The following CRTAM variants were observed in gnomAD, a reference collection of about 807,000 sequenced individuals.
CRTAM encodes the protein cytotoxic and regulatory T cell molecule.
Under a neutral mutation model 50.0 loss-of-function variants are expected in CRTAM, and 44 were observed. The ratio of observed to expected loss-of-function variants is 0.88; its 90% CI spans 0.69 to 1.13. The LOEUF is 1.13. CRTAM is among the 50% of genes most tolerant of loss of function. The pLI, the probability that CRTAM is intolerant of heterozygous loss-of-function variation, is 0.00. For synonymous variants in CRTAM, 159 were observed against 169.3 expected, an observed-to-expected ratio of 0.94 and a Z score of 0.47; for missense variants, 448 against 457.5, an observed-to-expected ratio of 0.98 and a Z score of 0.19.
At chr11:122,870,124 A>C (rs1862234942) in intron 9 of CRTAM, among the ~76,000 whole-genome samples, 1 of 152,132 alleles carries the variant, frequency 6.6e-6, no homozygotes, top group Admixed American at 6.6e-5. Context: ...TCTGTTGCCC[A>C]GGCTGGAGTG....
intron 1 of CRTAM, among the ~76,000 whole-genome samples, chr11:122,844,850 A>G (rs1861842793): frequency 6.6e-6 from 1 of 152,236 alleles, no homozygotes. Flanking sequence ...TCATCTGTGA[A>G]ATGGGAATAA....
intron 3 of CRTAM, among the ~76,000 whole-genome samples, chr11:122,852,969 G>A (rs979365188): frequency 3.9e-5 from 6 of 152,138 alleles, no homozygotes; most frequent in Non-Finnish European, 7.3e-5. Flanking sequence ...TGAAGTGGAA[G>A]TAGAATGGGA....
At chr11:122,849,795 C>A (rs890132933) in intron 1 of CRTAM, among the ~76,000 whole-genome samples, 1 of 152,018 alleles carries the variant, frequency 6.6e-6, no homozygotes, top group African/African-American at 2.4e-5. Flanking sequence ...AGCAATCGCC[C>A]AAAACCTGTT....
At chr11:122,858,390 T>G (rs550890957) in intron 5 of CRTAM, among the ~76,000 whole-genome samples, 3 of 152,092 alleles carry the variant, frequency 2.0e-5, no homozygotes, top group African/African-American at 2.4e-5. Context: ...CACGCCCTGC[T>G]AATTTTCATA....
rs1005454616 is a variant in CRTAM at position 122,867,527 on chromosome 11, G to T, written c.936G>T (p.Leu312=). The change falls in exon 8 of 10, where the codon CTG becomes CTT. Residue 312 remains leucine (L), a synonymous_variant. Transcript: ENST00000227348. ...TAGTCCAGCTCTTCATCATGAAGCT[G>T]AGGAAAGCACATGTGATATGGAAGA... ...FIIVQLFIMK[L]RKAHVIWKKE... 7.4e-6 allele frequency: 12 copies of T among 1,613,970 alleles called. No homozygotes were observed. In the African/African-American group the frequency reaches 1.6e-4, roughly 22 times the overall value.
intron 1 of CRTAM, among the ~76,000 whole-genome samples, chr11:122,847,921 G>T: frequency 6.6e-6 from 1 of 152,238 alleles, no homozygotes; most frequent in East Asian, 1.9e-4. Flanking sequence ...AATGTCTTCT[G>T]GAAGTCTTTG....
intron 9 of CRTAM, among the ~76,000 whole-genome samples, 190 bp from the exon 10 acceptor site, chr11:122,871,079 A>G (rs1423259715): frequency 1.3e-5 from 2 of 149,950 alleles, no homozygotes; most frequent in African/African-American, 5.0e-5. Flanking sequence ...AACCTGTCTC[A>G]AAAAAAAACC....
chr11:122,845,843 G>T (rs976339645), intron 1 of CRTAM, among the ~76,000 whole-genome samples: 2 of 152,082 alleles, frequency 1.3e-5, no homozygotes, highest in African/African-American at 4.8e-5. Flanking sequence ...GTGCTGATGA[G>T]AATGACAGTT....
chr11:122,846,982 C>T (rs1861871663), intron 1 of CRTAM, among the ~76,000 whole-genome samples: 2 of 152,184 alleles, frequency 1.3e-5, no homozygotes, highest in Non-Finnish European at 2.9e-5. Context: ...ACTCTTTCCA[C>T]TTTTCTTTGT....
chr11:122,850,007 C>CA lies in CRTAM; in HGVS notation c.47-57dup, dbSNP rs1052434926. 9.3e-5 allele frequency: 133 copies of CA among 1,431,188 alleles called. No homozygotes were observed. The African/African-American group carries it at 1.5e-3, about 16-fold the overall frequency. The allele number at this position is 1,431,188 out of a possible 1,614,324, so 88.7% of individuals were successfully genotyped here. On this transcript the variant is annotated intron_variant, in intron 1 of 9. Coordinates refer to ENST00000227348, the MANE Select transcript of CRTAM (RefSeq NM_019604.4). ...TACATGATTGAATGAATGAACGAGA[C>CA]AAAATCCCTGAGACACTGTGGACCC... is the stretch of plus-strand genomic sequence containing the variant.
chr11:122,858,571 C>T (rs975994959), intron 5 of CRTAM, among the ~76,000 whole-genome samples: 1 of 152,062 alleles, frequency 6.6e-6, no homozygotes, highest in African/African-American at 2.4e-5. Flanking sequence ...CTTCTGTAGC[C>T]CAGGCTGGAG....
intron 3 of CRTAM, among the ~76,000 whole-genome samples, chr11:122,852,082 A>C (rs1861937503): frequency 6.6e-6 from 1 of 152,158 alleles, no homozygotes; most frequent in South Asian, 2.1e-4. Context: ...CTCTCCAGGG[A>C]ACTAAAAGAA....
intron 3 of CRTAM, among the ~76,000 whole-genome samples, chr11:122,853,290 T>C (rs1861958424): frequency 6.6e-6 from 1 of 151,914 alleles, no homozygotes; most frequent in Non-Finnish European, 1.5e-5. Context: ...CAGGATGGTC[T>C]CGATCTCCTG....
chr11:122,862,775 C>G (rs934901798), intron 6 of CRTAM, among the ~76,000 whole-genome samples: 7 of 152,282 alleles, frequency 4.6e-5, no homozygotes. Flanking sequence ...AAGTTCAGTT[C>G]TAGTTTGCCT....
intron 1 of CRTAM, among the ~76,000 whole-genome samples, chr11:122,840,335 A>G (rs749447534): frequency 4.9e-4 from 75 of 152,310 alleles, no homozygotes; most frequent in Admixed American, 7.2e-4. Context: ...AACCTGCCCA[A>G]GTTTTAAAGC....
At chr11:122,843,518 C>T (rs993865934) in intron 1 of CRTAM, among the ~76,000 whole-genome samples, 1 of 152,104 alleles carries the variant, frequency 6.6e-6, no homozygotes, top group Non-Finnish European at 1.5e-5. Context: ...GGCTAATTTG[C>T]AGATAAGAAC....
intron 1 of CRTAM, among the ~76,000 whole-genome samples, chr11:122,844,361 T>C (rs1056098392): frequency 5.3e-5 from 8 of 152,236 alleles, no homozygotes; most frequent in African/African-American, 1.9e-4. Flanking sequence ...TCTTACCCAA[T>C]GCAGGCTTTC....
In CRTAM at chr11:122,862,639, T is replaced by C. The variant is rs995346853; in HGVS notation, c.733+95T>C. ...TCTAAGTTTTAAGAATATTTTTTGT[T>C]TTAATTTTTACTAAGACCATACAGG... On this transcript the variant is annotated intron_variant, in intron 6 of 9. Coordinates refer to ENST00000227348, the MANE Select transcript of CRTAM (RefSeq NM_019604.4). 24 of 847,184 alleles carry C rather than the reference T, an allele frequency of 2.8e-5. No homozygotes were observed. The African/African-American group carries it at 3.8e-4, about 13-fold the overall frequency. 52.5% of individuals were successfully genotyped at this position (847,184 alleles called of 1,614,324 possible).
At chr11:122,859,399 C>T (rs1862044044) in intron 5 of CRTAM, among the ~76,000 whole-genome samples, 1 of 150,070 alleles carries the variant, frequency 6.7e-6, no homozygotes, top group African/African-American at 2.5e-5. Flanking sequence ...GCGTGAGCCA[C>T]CGCATCCGGC....
Sources: gnomAD v4.1 joint callset for allele counts (sites outside exome capture counted in the v4.1 genomes callset) on GRCh38, gnomAD v4.1.1 for gene constraint, MANE v1.5 for transcripts, NCBI Gene and HGNC (gene_info 2026-07-23, HGNC 2026-07-21) for gene names.